Variants in SERINC4 observed in about 807,000 individuals in gnomAD.
SERINC4 encodes serine incorporator 4.
SERINC4 carries 52 observed loss-of-function variants against 52.0 expected under a neutral mutation model. That is an observed-to-expected ratio of 1.00 (90% CI 0.80 to 1.26). SERINC4 has a LOEUF of 1.26. Ranked by LOEUF, SERINC4 falls within the 50% of genes most tolerant of loss-of-function variation. The probability of loss-of-function intolerance (pLI) is 0.00; values close to 1 mark genes in which losing one functional copy is unlikely to be tolerated. For missense variants in SERINC4, 723 were observed against 632.8 expected (o/e 1.14, Z -1.53); for synonymous variants, 264 against 247.7 (o/e 1.07, Z -0.62).
chr15:43,797,954 TAAG>T lies in SERINC4; in HGVS notation c.595_597del (p.Leu199del), dbSNP rs1176726226. 1.2e-6 allele frequency: 2 copies of T among 1,613,908 alleles called. No homozygotes were observed. Among genetic ancestry groups the T allele is most frequent in the Non-Finnish European group, 1.7e-6 (2 of 1,179,836 alleles). On this transcript the variant is annotated inframe_deletion, in exon 5 of 12. Transcript: ENST00000319327. ...TTCCAGGAATGGGCAAAAGCTGTAA[TAAG>T]CACCAACTGCAGTAGGATGAATGCA...
chr15:43,796,851 C>T lies in SERINC4; in HGVS notation c.934G>A (p.Glu312Lys). ...TCCAGGTCCTGTCCCTTACCTCTCT[C>T]TGGAGGACGGCTGGACAGTGCAGAG... ...TFSALSSRPP[E>K]RVILQGQNHT... The change falls in exon 7 of 12, where the codon GAG becomes AAG. Residue 312 changes from glutamate (E) to lysine (K), a missense_variant. Coordinates refer to ENST00000319327, the MANE Select transcript of SERINC4 (RefSeq NM_001258031.2). The T allele has an allele frequency of 1.2e-6, 2 of 1,614,054 alleles. No individual in the cohort carries two copies. The highest frequency in any genetic ancestry group is 1.7e-6 in the Non-Finnish European group (2 of 1,179,904).
In SERINC4 at chr15:43,798,535, C is replaced by G. The variant is rs552047206; in HGVS notation, c.459-31G>C. On this transcript the variant is annotated intron_variant, in intron 3 of 11. Coordinates refer to ENST00000319327, the MANE Select transcript of SERINC4 (RefSeq NM_001258031.2). ...TAGGAGGGAGAAAGAAAAACAGACT[C>G]AGGAGAAAAGGCAAAGGACAGTGAA... 1.1e-5 allele frequency: 17 copies of G among 1,551,684 alleles called. No homozygotes were observed. The South Asian group carries it at 1.6e-4, about 14-fold the overall frequency.
intron 4 of SERINC4, 21 bp from the exon 5 acceptor site, chr15:43,798,034 G>A: frequency 2.6e-6 from 4 of 1,556,580 alleles, no homozygotes; most frequent in Non-Finnish European, 2.6e-6. Flanking sequence ...GGCACCAGTG[G>A]AAAAATGTCA....
At position 43,795,079 on chromosome 15, in the gene SERINC4, G is replaced by T. The variant is rs548863288; in HGVS notation, c.1478C>A (p.Thr493Asn). ...LLLAPLCWPP[T>N]QKPQPLILRR... The stretch of plus-strand genomic sequence containing the variant: ...CAAGATAAGGGGCTGGGGTTTCTGG[G>T]TGGGGGGCCAACAGAGTGGTGCCAG... Residue 493 changes from threonine (T) to asparagine (N), a missense_variant, in exon 12 of 12, where the codon ACC (threonine) becomes AAC (asparagine). Physicochemically the swap from Thr to Asn is moderately conservative, Grantham distance 65. Coordinates refer to ENST00000319327, the MANE Select transcript of SERINC4 (RefSeq NM_001258031.2). 1 of 1,613,662 alleles carries T rather than the reference G, an allele frequency of 6.2e-7. No homozygotes were observed. The highest frequency in any genetic ancestry group is 1.3e-5 in the African/African-American group (1 of 74,990).
chr15:43,799,702 A>AT (rs1203248929), intron 1 of SERINC4, 183 bp downstream of exon 1: 1 of 809,542 alleles, frequency 1.2e-6, no homozygotes, highest in Admixed American at 2.0e-5. Flanking sequence ...CAGGCTTGAG[A>AT]TATCTGACCT....
chr15:43,795,179 T>C lies in SERINC4; in HGVS notation c.1378A>G (p.Lys460Glu). Residue 460 changes from lysine to glutamate, a missense_variant, in exon 12 of 12, where the codon AAG becomes GAG. Lys to Glu is a moderately conservative substitution (Grantham distance 56). Transcript: ENST00000319327. ...ACCCAGAAGGTGGCCCAGCTACCCTTGATGAAGGTCTTTTCCAGTTCTGCT... is the reference window on the plus strand; with the variant it reads ...ACCCAGAAGGTGGCCCAGCTACCCTCGATGAAGGTCTTTTCCAGTTCTGCT... ...EGAELEKTFI[K>E]GSWATFWVKV... is the part of the protein sequence containing the mutation. The C allele has an allele frequency of 6.2e-7, 1 of 1,614,054 alleles. No homozygotes were observed. The highest frequency in any genetic ancestry group is 8.5e-7 in the Non-Finnish European group (1 of 1,180,004).
Position 43,795,104 on chromosome 15 carries a change from G to C in SERINC4, c.1453C>G (p.Leu485Val), listed in dbSNP as rs1380327816. The C allele has an allele frequency of 6.2e-7, 1 of 1,614,018 alleles. No individual in the cohort carries two copies. The highest frequency in any genetic ancestry group is 1.1e-5 in the South Asian group (1 of 91,052). ...ACVLLYLGLL[L>V]APLCWPPTQK... ...GTGGGGGGCCAACAGAGTGGTGCCA[G>C]TAACAGCCCCAGATAGAGGAGTACG... Residue 485 changes from leucine (L) to valine (V), a missense_variant, in exon 12 of 12, where the codon CTG becomes GTG. Transcript: ENST00000319327.
rs1240454609 is a variant in SERINC4, at chr15:43,796,225, T to A, written c.1070A>T (p.Asn357Ile). Residue 357 changes from asparagine (N) to isoleucine (I), a missense_variant and splice_region_variant, in exon 9 of 12, where the codon AAT (asparagine) becomes ATT (isoleucine). Transcript: ENST00000319327. ...TACCTCAGCCAGGTAGGAGGCCTCATTGCTGAGAAAGAATAGAGTTCTTAA... is the reference window on the plus strand; with the variant it reads ...TACCTCAGCCAGGTAGGAGGCCTCAATGCTGAGAAAGAATAGAGTTCTTAA... ...IMYACVLFAC[N>I]EASYLAEVFG... 1.9e-6 allele frequency: 3 copies of A among 1,612,834 alleles called. No individual in the cohort carries two copies. Among genetic ancestry groups the A allele is most frequent in the Non-Finnish European group, 1.7e-6 (2 of 1,178,836 alleles).
chr15:43,797,563 T>C, intron 5 of SERINC4: 3 of 555,842 alleles, frequency 5.4e-6, no homozygotes, highest in Non-Finnish European at 9.6e-6. Flanking sequence ...CAGCTAACTT[T>C]TATATTTTTA....
chr15:43,799,010 AAC>A lies in SERINC4; in HGVS notation c.405_406del (p.Leu136AlafsTer16), dbSNP rs2087266465. 1.3e-6 allele frequency: 2 copies of A among 1,550,384 alleles called. No individual in the cohort carries two copies. Among genetic ancestry groups the A allele is most frequent in the Admixed American group, 2.0e-5 (1 of 50,954 alleles). On this transcript the variant is annotated frameshift_variant, in exon 3 of 12. Coordinates refer to ENST00000319327, the MANE Select transcript of SERINC4 (RefSeq NM_001258031.2). LOFTEE classifies it high-confidence loss of function. ...GGTGGGGGAGTGGAGGTGGACCAGC[AAC>A]ACAGCCTGCAGCAGGTGGAAGGTGG...
Position 43,794,908 on chromosome 15 carries a change from G to T in SERINC4, c.*92C>A. The T allele has an allele frequency of 2.1e-6, 2 of 944,402 alleles. No homozygotes were observed. Among genetic ancestry groups the T allele is most frequent in the Non-Finnish European group, 3.2e-6 (2 of 621,000 alleles). The allele number at this position is 944,402 out of a possible 1,614,324, so 58.5% of individuals were successfully genotyped here. On this transcript the variant is annotated 3_prime_UTR_variant, in exon 12 of 12. Coordinates refer to ENST00000319327, the MANE Select transcript of SERINC4 (RefSeq NM_001258031.2). ...AGCCCAAACGGAGATAACTCCCTGT[G>T]TGTCCTTGAGGTATTGAGCTGGGCT...
chr15:43,796,300 T>G, intron 8 of SERINC4, 73 bp from the exon 9 acceptor site: 1 of 1,124,022 alleles, frequency 8.9e-7, no homozygotes, highest in Non-Finnish European at 1.4e-6. Flanking sequence ...TACCAATTGG[T>G]CCATACTGGT....
At chr15:43,796,455 G>A in intron 8 of SERINC4, 161 bp downstream of exon 8, 1 of 824,008 alleles carries the variant, frequency 1.2e-6, no homozygotes. Context: ...CAGATCATCT[G>A]ACAAAGTACT....
In SERINC4 at chr15:43,794,593, C is replaced by T. The variant is rs1316343814; in HGVS notation, c.*407G>A. The T allele has an allele frequency of 5.7e-6, 1 of 175,826 alleles. No individual in the cohort carries two copies. The highest frequency in any genetic ancestry group is 2.4e-5 in the African/African-American group (1 of 42,038). 10.9% of individuals were successfully genotyped at this position (175,826 alleles called of 1,614,324 possible). On this transcript the variant is annotated 3_prime_UTR_variant, in exon 12 of 12. Coordinates refer to ENST00000319327, the MANE Select transcript of SERINC4 (RefSeq NM_001258031.2). ...TGGTTTGTTCTGTGGTTCTGGGCTT[C>T]TTATATCCGTGTGCCCAGGGCTGAA...
Position 43,799,006 on chromosome 15 carries a change from C to T in SERINC4, c.411G>A (p.Leu137=). Residue 137 remains leucine, a synonymous_variant, in exon 3 of 12, where the codon CTG becomes CTA. Transcript: ENST00000319327. ...GGCTGGTGGGGGAGTGGAGGTGGAC[C>T]AGCAACACAGCCTGCAGCAGGTGGA... ...ATFHLLQAVL[L]VHLHSPTSPR... is the part of the protein sequence containing the mutation. 1 of 1,550,492 alleles carries T rather than the reference C, an allele frequency of 6.4e-7. No homozygotes were observed. The highest frequency in any genetic ancestry group is 8.7e-7 in the Non-Finnish European group (1 of 1,146,980).
intron 10 of SERINC4, 40 bp downstream of exon 10, chr15:43,795,648 G>C: frequency 6.2e-7 from 1 of 1,611,788 alleles, no homozygotes; most frequent in Non-Finnish European, 8.5e-7. Context: ...GCACTCCACA[G>C]AGATCTACCA....
In SERINC4 at chr15:43,798,491, TGAG is replaced by T. The variant is rs2087255140; in HGVS notation, c.469_471del (p.Leu157del). The T allele has an allele frequency of 3.1e-6, 5 of 1,613,150 alleles. No individual in the cohort carries two copies. The Admixed American group carries it at 5.0e-5, about 16-fold the overall frequency. On this transcript the variant is annotated inframe_deletion, in exon 4 of 12. Coordinates refer to ENST00000319327, the MANE Select transcript of SERINC4 (RefSeq NM_001258031.2). ...CAGAGACCTAACAGGAACAGCAGCT[TGAG>T]GAGCCAGAAGCTGGTTAGGAGGGAG...
chr15:43,794,983 C>T lies in SERINC4; in HGVS notation c.*17G>A, dbSNP rs1306740859. 2 of 1,593,156 alleles carry T rather than the reference C, an allele frequency of 1.3e-6. No homozygotes were observed. The highest frequency in any genetic ancestry group is 1.7e-6 in the Non-Finnish European group (2 of 1,168,486). On this transcript the variant is annotated 3_prime_UTR_variant, in exon 12 of 12. Transcript: ENST00000319327. ...TAGGAGTACAATGTCAGGGGAACCC[C>T]AGTTTGTGAAAAGGACTTAGACTGG...
chr15:43,795,116 G>C lies in SERINC4; in HGVS notation c.1441C>G (p.Leu481Val). ...ASCWACVLLY[L>V]GLLLAPLCWP... Reference sequence around the variant, plus strand: ...CAGAGTGGTGCCAGTAACAGCCCCAGATAGAGGAGTACGCAGGCCCAGCAT... The same window carrying C: ...CAGAGTGGTGCCAGTAACAGCCCCACATAGAGGAGTACGCAGGCCCAGCAT... The change falls in exon 12 of 12, where the codon CTG becomes GTG. Residue 481 changes from leucine to valine, a missense_variant. Physicochemically the swap from Leu to Val is conservative, Grantham distance 32 (BLOSUM62 1). Coordinates refer to ENST00000319327, the MANE Select transcript of SERINC4 (RefSeq NM_001258031.2). 6.2e-7 allele frequency: 1 copy of C among 1,614,084 alleles called. No homozygotes were observed. The highest frequency in any genetic ancestry group is 1.1e-5 in the South Asian group (1 of 91,060).
Sources: gnomAD v4.1 joint callset for allele counts on GRCh38, gnomAD v4.1.1 for gene constraint, MANE v1.5 for transcripts, NCBI Gene and HGNC (gene_info 2026-07-23, HGNC 2026-07-21) for gene names.